CADM1: variants seen among roughly 807,000 people sequenced by gnomAD.
The protein encoded by CADM1 is cell adhesion molecule 1, also known as TSLC-1.
CADM1 carries 15 observed loss-of-function variants against 53.1 expected under a neutral mutation model. The ratio of observed to expected loss-of-function variants is 0.28; its 90% CI spans 0.19 to 0.44. CADM1 has a LOEUF of 0.44. Ranked by LOEUF, CADM1 falls within the 20% of genes least tolerant of loss-of-function variation. The pLI is 1.00. For missense variants in CADM1, 434 were observed against 611.3 expected, an observed-to-expected ratio of 0.71 and a Z score of 3.06; for synonymous variants, 281 against 243.0, an observed-to-expected ratio of 1.16 and a Z score of -1.45.
At chr11:115,235,981 C>G (rs1345019601) in intron 3 of CADM1, among the ~76,000 whole-genome samples, 1 of 152,108 alleles carries the variant, frequency 6.6e-6, no homozygotes, top group African/African-American at 2.4e-5. Context: ...TACAAAATAT[C>G]ATAGGAGAGT....
chr11:115,437,537 CA>C (rs920377668), intron 1 of CADM1, among the ~76,000 whole-genome samples: 2 of 152,170 alleles, frequency 1.3e-5, no homozygotes, highest in African/African-American at 4.8e-5. Context: ...TAATCTCATC[CA>C]AAAGACATTA....
At chr11:115,341,020 A>G (rs1174082085) in intron 1 of CADM1, among the ~76,000 whole-genome samples, 1 of 152,000 alleles carries the variant, frequency 6.6e-6, no homozygotes, top group Non-Finnish European at 1.5e-5. Context: ...TCTAAAATGT[A>G]ATATATTTCA....
Position 115,225,837 on chromosome 11 carries a change from G to A in CADM1, c.721+3276C>T, listed in dbSNP as rs139042934. Among the ~76,000 whole-genome samples the A allele has an allele frequency of 3.9e-3, 594 of 151,920 alleles. 3 individuals are homozygous for A. Among genetic ancestry groups the A allele is most frequent in the African/African-American group, 0.013 (554 of 41,416 alleles). On this transcript the variant is annotated intron_variant, in intron 5 of 11. Transcript: ENST00000331581. ...TATTTTTTAAAAATTACTTGATGTA[G>A]AATTCAAATCCATGATCTGTCATTT...
chr11:115,383,634 C>T (rs905838808), intron 1 of CADM1, among the ~76,000 whole-genome samples: 1 of 152,278 alleles, frequency 6.6e-6, no homozygotes, highest in Non-Finnish European at 1.5e-5. Context: ...AACAGACAGA[C>T]GTGGCAGACT....
intron 1 of CADM1, among the ~76,000 whole-genome samples, chr11:115,358,488 C>T (rs926595310): frequency 6.6e-6 from 1 of 152,122 alleles, no homozygotes; most frequent in Non-Finnish European, 1.5e-5. Flanking sequence ...TTCACTATCA[C>T]GAGAACAGCA....
chr11:115,322,243 CTCAT>C (rs1220753418), intron 1 of CADM1, among the ~76,000 whole-genome samples: 1 of 152,194 alleles, frequency 6.6e-6, no homozygotes, highest in Non-Finnish European at 1.5e-5. Flanking sequence ...CAATCATCCA[CTCAT>C]TCATTCTTCA....
intron 1 of CADM1, among the ~76,000 whole-genome samples, chr11:115,464,879 T>G (rs1371534370): frequency 6.6e-6 from 1 of 152,216 alleles, no homozygotes; most frequent in Admixed American, 6.5e-5. Flanking sequence ...GAACATTCTA[T>G]GCCAGTATCA....
chr11:115,395,738 C>G, intron 1 of CADM1, among the ~76,000 whole-genome samples: 1 of 152,074 alleles, frequency 6.6e-6, no homozygotes, highest in East Asian at 1.9e-4. Flanking sequence ...CTATTAAGTT[C>G]AAACATGGAA....
At chr11:115,242,613 A>G (rs779885322) in intron 1 of CADM1, among the ~76,000 whole-genome samples, 4 of 152,230 alleles carry the variant, frequency 2.6e-5, no homozygotes. Flanking sequence ...TTCAAGGGCT[A>G]TAACTGTCTT....
At chr11:115,274,167 A>G (rs1943380848) in intron 1 of CADM1, among the ~76,000 whole-genome samples, 1 of 152,258 alleles carries the variant, frequency 6.6e-6, no homozygotes, top group African/African-American at 2.4e-5. Flanking sequence ...TCAACCACAA[A>G]TCTTAGTGCT....
At chr11:115,232,929 A>C (rs1941874480) in intron 3 of CADM1, among the ~76,000 whole-genome samples, 1 of 152,230 alleles carries the variant, frequency 6.6e-6, no homozygotes, top group Admixed American at 6.5e-5. Context: ...GATCAAGTTG[A>C]ATAATAAATC....
At chr11:115,497,494 C>T (rs961003436) in intron 1 of CADM1, among the ~76,000 whole-genome samples, 3 of 152,302 alleles carry the variant, frequency 2.0e-5, no homozygotes, top group African/African-American at 7.2e-5. Flanking sequence ...ATCTACATCG[C>T]CCTTTTTTCT....
chr11:115,309,571 G>A (rs1591695552), intron 1 of CADM1, among the ~76,000 whole-genome samples: 1 of 152,174 alleles, frequency 6.6e-6, no homozygotes, highest in South Asian at 2.1e-4. Context: ...TAGGAAACAC[G>A]TATCTGTTTT....
intron 1 of CADM1, among the ~76,000 whole-genome samples, chr11:115,368,432 T>G (rs1348527751): frequency 6.8e-6 from 1 of 146,272 alleles, no homozygotes. Context: ...TACCAGTAAC[T>G]TCTTCAAGCA....
At chr11:115,340,098 G>A (rs949357042) in intron 1 of CADM1, 15 of 152,096 alleles carry the variant, frequency 9.9e-5, no homozygotes, top group Non-Finnish European at 1.9e-4. Context: ...CATAAAGCTC[G>A]CGTTCCCGTG....
In CADM1 at chr11:115,231,357, T is replaced by G. The variant is rs751187404; in HGVS notation, c.558A>C (p.Leu186=). 1.9e-6 allele frequency: 3 copies of G among 1,614,178 alleles called. No individual in the cohort carries two copies. The highest frequency in any genetic ancestry group is 2.2e-5 in the South Asian group (2 of 91,086). ...GTGTGGCAATCTGCAGCTTACCTTTTAGCTCTGTGTTCCCTTTGAACCACC... is the reference window on the plus strand; with the variant it reads ...GTGTGGCAATCTGCAGCTTACCTTTGAGCTCTGTGTTCCCTTTGAACCACC... ...TIRWFKGNTE[L]KGKSEVEEWS... is the part of the protein sequence containing the mutation. The change falls in exon 4 of 12, where the codon CTA becomes CTC. Residue 186 remains leucine, a synonymous_variant. Coordinates refer to ENST00000331581, the MANE Select transcript of CADM1 (RefSeq NM_001301043.2).
At chr11:115,324,055 G>A (rs1209758602) in intron 1 of CADM1, among the ~76,000 whole-genome samples, 1 of 152,010 alleles carries the variant, frequency 6.6e-6, no homozygotes, top group Non-Finnish European at 1.5e-5. Context: ...AGAGCCACAG[G>A]CATTCATATA....
chr11:115,305,744 C>A (rs1468735233), intron 1 of CADM1, among the ~76,000 whole-genome samples: 1 of 151,440 alleles, frequency 6.6e-6, no homozygotes, highest in East Asian at 1.9e-4. Context: ...CTAAGGCATT[C>A]AAAAAGGTGA....
chr11:115,398,486 C>T lies in CADM1; in HGVS notation c.124+105785G>A, dbSNP rs562927877. Among the ~76,000 whole-genome samples the T allele has an allele frequency of 2.0e-4, 30 of 152,244 alleles. No individual in the cohort carries two copies. In the South Asian group the frequency reaches 3.1e-3, roughly 16 times the overall value. On this transcript the variant is annotated intron_variant, in intron 1 of 11. Coordinates refer to ENST00000331581, the MANE Select transcript of CADM1 (RefSeq NM_001301043.2). ...CCAACTTAAGCATGGTTCTCTTCCA[C>T]GTTCCAAACCAAATTGTATATACTT...
Sources: allele counts gnomAD v4.1 joint callset (sites outside exome capture counted in the v4.1 genomes callset), GRCh38; gene constraint gnomAD v4.1.1; transcripts MANE v1.5; gene names NCBI Gene and HGNC (gene_info 2026-07-23, HGNC 2026-07-21).